ADAM8: variants seen among roughly 807,000 people sequenced by gnomAD.
ADAM8 encodes disintegrin and metalloproteinase domain-containing protein 8.
In ADAM8, 104 loss-of-function variants were observed where a neutral mutation model predicts 102.4. The observed-to-expected ratio is 1.02, with a 90% CI of 0.87 to 1.20. The LOEUF is 1.20. Among genes scored for constraint, ADAM8 ranks in the 50% most tolerant of loss-of-function variants. The pLI, the probability that ADAM8 is intolerant of heterozygous loss-of-function variation, is 0.00. For missense variants in ADAM8, 1,132 were observed against 1,159.0 expected, an observed-to-expected ratio of 0.98 and a Z score of 0.34; for synonymous variants, 517 against 485.2, an observed-to-expected ratio of 1.07 and a Z score of -0.86.
At chr10:133,272,903 C>T (rs776962459) in intron 7 of ADAM8, 37 bp from the exon 8 acceptor site, 6 of 1,609,524 alleles carry the variant, frequency 3.7e-6, no homozygotes, top group Non-Finnish European at 5.1e-6. Flanking sequence ...AGCCCACACA[C>T]CCCCCATGCC....
At chr10:133,271,358 G>A (rs1168661682) in intron 12 of ADAM8, 69 bp from the exon 13 acceptor site, 34 of 1,540,716 alleles carry the variant, frequency 2.2e-5, no homozygotes, top group Non-Finnish European at 2.7e-5. Flanking sequence ...GGACCTGGCC[G>A]CCTCCCCTGA....
At position 133,272,848 on chromosome 10, in the gene ADAM8, C is replaced by G; in HGVS notation, c.655G>C (p.Glu219Gln). Reference protein sequence around the residue: ...DNAEFQMLGSEAAVRHRVLEV... With the variant: ...DNAEFQMLGSQAAVRHRVLEV... ...AGCACCCGATGACGCACGGCTGCTT[C>G]GCTCCCCAGCATCTGGAACTGGGGA... is the stretch of plus-strand genomic sequence containing the variant. The change falls in exon 8 of 23, where the codon GAA becomes CAA. Residue 219 changes from glutamate to glutamine, a missense_variant. Coordinates refer to ENST00000445355, the MANE Select transcript of ADAM8 (RefSeq NM_001109.5). 1 of 1,611,294 alleles carries G rather than the reference C, an allele frequency of 6.2e-7. No homozygotes were observed. Among genetic ancestry groups the G allele is most frequent in the Non-Finnish European group, 8.5e-7 (1 of 1,178,782 alleles).
intron 4 of ADAM8, 26 bp from the exon 5 acceptor site, chr10:133,273,864 C>T (rs371078760): frequency 4.2e-4 from 648 of 1,549,964 alleles, no homozygotes; most frequent in South Asian, 2.0e-3. Context: ...GAGAGGGGTC[C>T]ACAGGCTGTG....
chr10:133,270,604 T>C (rs1846488416), intron 15 of ADAM8, 94 bp from the exon 16 acceptor site: 1 of 1,542,974 alleles, frequency 6.5e-7, no homozygotes, highest in African/African-American at 1.4e-5. Context: ...CACAACACGG[T>C]GCGCTTGAGC....
intron 21 of ADAM8, among the ~76,000 whole-genome samples, chr10:133,265,351 C>T (rs1477800568): frequency 6.6e-6 from 1 of 152,218 alleles, no homozygotes; most frequent in Non-Finnish European, 1.5e-5. Context: ...TGCCTGGTAA[C>T]CATAACTTCC....
chr10:133,276,679 A>G (rs2995317), intron 1 of ADAM8, 93 bp downstream of exon 1: 1,318,311 of 1,470,546 alleles, frequency 0.9, 591,429 homozygotes, highest in East Asian at 0.93. Flanking sequence ...GCGGGGTGCG[A>G]GCAGGCCAGG....
chr10:133,269,112 A>C, intron 18 of ADAM8: 1 of 985,432 alleles, frequency 1.0e-6, no homozygotes, highest in Non-Finnish European at 1.2e-6. Context: ...CTGGACGACC[A>C]CATGCTCAGT....
intron 21 of ADAM8, among the ~76,000 whole-genome samples, chr10:133,266,776 C>T (rs1462974789): frequency 6.6e-6 from 1 of 152,164 alleles, no homozygotes; most frequent in East Asian, 1.9e-4. Flanking sequence ...AGCGGTTTCC[C>T]AGGGCTGAGG....
chr10:133,270,686 C>T (rs994462521), intron 15 of ADAM8, 50 bp downstream of exon 15: 2 of 1,576,704 alleles, frequency 1.3e-6, no homozygotes, highest in African/African-American at 1.4e-5. Context: ...TGGGGCTGAC[C>T]CCGCTGTGGG....
chr10:133,271,050 C>T lies in ADAM8; in HGVS notation c.1395G>A (p.Leu465=), dbSNP rs1328753042. 6.2e-7 allele frequency: 1 copy of T among 1,611,672 alleles called. No homozygotes were observed. Among genetic ancestry groups the T allele is most frequent in the Non-Finnish European group, 8.5e-7 (1 of 1,179,604 alleles). ...CACACATGTCCTTCTTGGGACGGCA[C>T]AGCTCACCAGCCGGCTTCACCTGGC... ...QECKVKPAGE[L]CRPKKDMCDL... is the part of the protein sequence containing the mutation. Residue 465 remains leucine (L), a synonymous_variant, in exon 14 of 23, where the codon CTG becomes CTA. Coordinates refer to ENST00000445355, the MANE Select transcript of ADAM8 (RefSeq NM_001109.5).
In ADAM8 at chr10:133,269,532, GC is replaced by G; in HGVS notation, c.1864-4del. The G allele has an allele frequency of 6.3e-7, 1 of 1,592,752 alleles. No individual in the cohort carries two copies. On this transcript the variant is annotated splice_region_variant and splice_polypyrimidine_tract_variant and intron_variant, in intron 17 of 22. Coordinates refer to ENST00000445355, the MANE Select transcript of ADAM8 (RefSeq NM_001109.5). ...CACTCCTGCTTGTGGTTGCACACCTGCGGGGACGGCTGGGCTCAGGGCCAAC... is the reference window on the plus strand; with the variant it reads ...CACTCCTGCTTGTGGTTGCACACCTGGGGGACGGCTGGGCTCAGGGCCAAC...
chr10:133,276,670 CG>C, intron 1 of ADAM8, 101 bp downstream of exon 1: 1 of 1,442,394 alleles, frequency 6.9e-7, no homozygotes, highest in Non-Finnish European at 9.1e-7. Flanking sequence ...GGCCAGGGTG[CG>C]GGGTGCGAGC....
chr10:133,267,274 G>T, intron 21 of ADAM8, 78 bp downstream of exon 21: 1 of 1,466,060 alleles, frequency 6.8e-7, no homozygotes, highest in South Asian at 1.2e-5. Flanking sequence ...GGCCCCCGGT[G>T]CAGTGCACAG....
chr10:133,274,352 T>C, intron 2 of ADAM8, 117 bp from the exon 3 acceptor site: 1 of 768,752 alleles, frequency 1.3e-6, no homozygotes, highest in Non-Finnish European at 1.8e-6. Flanking sequence ...CAGCCCCAGG[T>C]CAAGGCTCCA....
intron 4 of ADAM8, 55 bp downstream of exon 4, chr10:133,273,895 CG>C: frequency 6.4e-7 from 1 of 1,553,546 alleles, no homozygotes; most frequent in Non-Finnish European, 8.7e-7. Context: ...CCCACAGGCT[CG>C]GGGAGGGCCG....
Position 133,272,405 on chromosome 10 carries a change from C to A in ADAM8, c.875+11G>T. 6.4e-7 allele frequency: 1 copy of A among 1,572,702 alleles called. No homozygotes were observed. Among genetic ancestry groups the A allele is most frequent in the Non-Finnish European group, 8.6e-7 (1 of 1,157,622 alleles). ...CCAGCCCTCCCCACCCTGCCCGCTCCGCCAGCTCACGTGATGAGCTGTACG... is the reference window on the plus strand; with the variant it reads ...CCAGCCCTCCCCACCCTGCCCGCTCAGCCAGCTCACGTGATGAGCTGTACG... On this transcript the variant is annotated intron_variant, in intron 9 of 22. Transcript: ENST00000445355.
At position 133,267,404 on chromosome 10, in the gene ADAM8, A is replaced by G. The variant is rs752275497; in HGVS notation, c.2267T>C (p.Val756Ala). ...AGGAACTGGGAAGGGTGGGCTGGACACAGTGACCGGAGGCTGGAGGAGACA... is the reference window on the plus strand; with the variant it reads ...AGGAACTGGGAAGGGTGGGCTGGACGCAGTGACCGGAGGCTGGAGGAGACA... ...KRPPPAPPVTVSSPPFPVPVY... is the reference protein window; with the variant it reads ...KRPPPAPPVTASSPPFPVPVY... Residue 756 changes from valine (V) to alanine (A), a missense_variant, in exon 21 of 23, where the codon GTG becomes GCG. Val to Ala is a moderately conservative substitution (Grantham distance 64). Coordinates refer to ENST00000445355, the MANE Select transcript of ADAM8 (RefSeq NM_001109.5). The G allele has an allele frequency of 5.6e-6, 9 of 1,609,940 alleles. No individual in the cohort carries two copies. The Admixed American group carries it at 1.5e-4, about 27-fold the overall frequency.
rs1564923623 is a variant in ADAM8, at chr10:133,271,031, TG to T, written c.1413del (p.Asp471GlufsTer174). The T allele has an allele frequency of 3.7e-6, 6 of 1,612,560 alleles. No homozygotes were observed. The highest frequency in any genetic ancestry group is 4.2e-6 in the Non-Finnish European group (5 of 1,179,870). On this transcript the variant is annotated frameshift_variant, in exon 14 of 23. Transcript: ENST00000445355. LOFTEE classifies it high-confidence loss of function. ...TCACAGAACTCCTCGAGGTCACACA[TG>T]TCCTTCTTGGGACGGCACAGCTCAC... ...PAGELCRPKK[D>X]MCDLEEFCDG...
At chr10:133,265,257 G>A (rs2995302) in intron 21 of ADAM8, among the ~76,000 whole-genome samples, 4 of 2,380 alleles carry the variant, frequency 1.7e-3, no homozygotes. Flanking sequence ...CCCATCTACC[G>A]CCACGCCCGG....
Sources: allele counts gnomAD v4.1 joint callset (sites outside exome capture counted in the v4.1 genomes callset), GRCh38; gene constraint gnomAD v4.1.1; transcripts MANE v1.5; gene names NCBI Gene and HGNC (gene_info 2026-07-23, HGNC 2026-07-21).